The following LRMDA variants were observed in gnomAD, a reference collection of about 807,000 sequenced individuals.
LRMDA encodes leucine rich melanocyte differentiation associated.
A neutral mutation model predicts 29.8 loss-of-function variants in LRMDA; 18 were observed. The ratio of observed to expected loss-of-function variants is 0.60; its 90% CI spans 0.42 to 0.90. The LOEUF is 0.90. Among genes scored for constraint, LRMDA ranks in the 40% least tolerant of loss-of-function variants. The pLI, the probability that LRMDA is intolerant of heterozygous loss-of-function variation, is 0.00. For synonymous variants in LRMDA, 125 were observed against 109.4 expected (o/e 1.14, Z -0.89); for missense variants, 273 against 273.9 (o/e 1.00, Z 0.02).
At chr10:76,512,852 C>T (rs549011947) in intron 6 of LRMDA, among the ~76,000 whole-genome samples, 9 of 152,048 alleles carry the variant, frequency 5.9e-5, no homozygotes, top group South Asian at 4.2e-4. Flanking sequence ...ATTTTAGGTT[C>T]GTGGTATTCC....
At chr10:76,032,347 G>A (rs994978180) in intron 2 of LRMDA, among the ~76,000 whole-genome samples, 3 of 152,342 alleles carry the variant, frequency 2.0e-5, no homozygotes, top group African/African-American at 4.8e-5. Context: ...CCTGTTCGGC[G>A]CTGCTGTTTT....
At chr10:75,683,338 G>T (rs1842046475) in intron 2 of LRMDA, among the ~76,000 whole-genome samples, 1 of 152,190 alleles carries the variant, frequency 6.6e-6, no homozygotes, top group Non-Finnish European at 1.5e-5. Flanking sequence ...CGCTTGCCTG[G>T]CTGGGAGCCG....
intron 2 of LRMDA, among the ~76,000 whole-genome samples, chr10:75,956,341 C>T (rs1479821697): frequency 6.6e-6 from 1 of 152,132 alleles, no homozygotes; most frequent in Non-Finnish European, 1.5e-5. Context: ...GGTCTGTGAA[C>T]TTAAATAAAT....
At chr10:76,259,926 G>T (rs987060351) in intron 5 of LRMDA, among the ~76,000 whole-genome samples, 2 of 151,662 alleles carry the variant, frequency 1.3e-5, no homozygotes, top group Admixed American at 6.6e-5. Flanking sequence ...TCTTTGTGTG[G>T]GATATCTTTT....
chr10:75,650,662 A>G (rs908028214), intron 2 of LRMDA, among the ~76,000 whole-genome samples: 1 of 152,138 alleles, frequency 6.6e-6, no homozygotes, highest in Non-Finnish European at 1.5e-5. Flanking sequence ...GGCGATTTTA[A>G]AGTCAACAGA....
intron 2 of LRMDA, among the ~76,000 whole-genome samples, chr10:76,020,295 C>T (rs1019094755): frequency 6.6e-6 from 1 of 152,114 alleles, no homozygotes; most frequent in Non-Finnish European, 1.5e-5. Flanking sequence ...AAACATGTCA[C>T]ATAAAAGCAG....
At chr10:75,656,894 A>G (rs1258434436) in intron 2 of LRMDA, among the ~76,000 whole-genome samples, 1 of 152,234 alleles carries the variant, frequency 6.6e-6, no homozygotes, top group Non-Finnish European at 1.5e-5. Context: ...GCAAGTTCAT[A>G]TATTTAACTA....
At chr10:75,528,461 A>G (rs1010930266) in intron 2 of LRMDA, among the ~76,000 whole-genome samples, 15 of 152,192 alleles carry the variant, frequency 9.9e-5, no homozygotes, top group African/African-American at 2.4e-4. Context: ...TCTTCACCCA[A>G]TGCTCTTTGC....
At chr10:75,497,684 C>T (rs971318890) in intron 2 of LRMDA, among the ~76,000 whole-genome samples, 14 of 151,206 alleles carry the variant, frequency 9.3e-5, no homozygotes, top group African/African-American at 1.2e-4. Flanking sequence ...GCCTGTTTTA[C>T]GACTTCACAC....
intron 5 of LRMDA, among the ~76,000 whole-genome samples, chr10:76,112,901 T>C (rs1354999238): frequency 1.3e-5 from 2 of 152,216 alleles, no homozygotes; most frequent in African/African-American, 4.8e-5. Flanking sequence ...GAAAAAGGAT[T>C]AACTCCCTCA....
At position 75,994,781 on chromosome 10, in the gene LRMDA, A is replaced by G. The variant is rs79571230; in HGVS notation, c.132-41227A>G. On this transcript the variant is annotated intron_variant, in intron 2 of 6. Transcript: ENST00000611255. ...ATGTCAAGAGCTTTCACACCGAAAA[A>G]ATATGTCACATTAGCTTCCAAGTTT... Among the ~76,000 whole-genome samples the G allele has an allele frequency of 1.1e-3, 161 of 152,308 alleles. 2 individuals are homozygous for G. Among genetic ancestry groups the G allele is most frequent in the East Asian group, 9.9e-3 (51 of 5,172 alleles).
At chr10:76,402,707 C>T (rs1318585128) in intron 6 of LRMDA, among the ~76,000 whole-genome samples, 2 of 152,268 alleles carry the variant, frequency 1.3e-5, no homozygotes, top group East Asian at 3.9e-4. Flanking sequence ...ACACAGCTTG[C>T]CTCTGGGCTT....
At chr10:75,440,533 C>T (rs1304469691) in intron 2 of LRMDA, among the ~76,000 whole-genome samples, 2 of 152,048 alleles carry the variant, frequency 1.3e-5, no homozygotes, top group Non-Finnish European at 2.9e-5. Context: ...GAGAAAAGCA[C>T]TCCTGACTTG....
At chr10:75,537,879 T>C (rs754139059) in intron 2 of LRMDA, among the ~76,000 whole-genome samples, 28 of 152,330 alleles carry the variant, frequency 1.8e-4, no homozygotes, top group Non-Finnish European at 2.8e-4. Context: ...CTCTATAGGA[T>C]GCTCTTTCTG....
At chr10:75,760,107 G>A (rs1843077819) in intron 2 of LRMDA, among the ~76,000 whole-genome samples, 1 of 152,196 alleles carries the variant, frequency 6.6e-6, no homozygotes, top group Non-Finnish European at 1.5e-5. Flanking sequence ...TTTGCTCATG[G>A]GAAAGTGCAG....
At chr10:76,013,235 A>T (rs936047514) in intron 2 of LRMDA, among the ~76,000 whole-genome samples, 3 of 152,030 alleles carry the variant, frequency 2.0e-5, no homozygotes, top group Admixed American at 2.0e-4. Flanking sequence ...CGCTGTCCTT[A>T]ATCCCTTCTT....
intron 2 of LRMDA, among the ~76,000 whole-genome samples, chr10:75,877,792 A>G (rs945518209): frequency 6.6e-6 from 1 of 152,116 alleles, no homozygotes; most frequent in African/African-American, 2.4e-5. Context: ...TCCTGTCCCA[A>G]TTTTCCTGTG....
intron 2 of LRMDA, among the ~76,000 whole-genome samples, chr10:75,687,929 C>A (rs1221903720): frequency 6.6e-6 from 1 of 152,078 alleles, no homozygotes; most frequent in Non-Finnish European, 1.5e-5. Flanking sequence ...GATTAGAGCA[C>A]ATCTGTTTAC....
intron 5 of LRMDA, among the ~76,000 whole-genome samples, chr10:76,322,283 C>T (rs918808693): frequency 6.6e-6 from 1 of 152,126 alleles, no homozygotes; most frequent in Non-Finnish European, 1.5e-5. Context: ...TTGAAAGGAT[C>T]ACAAGGGCTT....
Sources: allele counts gnomAD v4.1 joint callset (sites outside exome capture counted in the v4.1 genomes callset), GRCh38; gene constraint gnomAD v4.1.1; transcripts MANE v1.5; gene names NCBI Gene and HGNC (gene_info 2026-07-23, HGNC 2026-07-21).